AGAP1: variants seen among roughly 807,000 people sequenced by gnomAD.
AGAP1 encodes arf-GAP with GTPase, ANK repeat and PH domain-containing protein 1.
A neutral mutation model predicts 105.3 loss-of-function variants in AGAP1; 29 were observed. The ratio of observed to expected loss-of-function variants is 0.28; its 90% CI spans 0.21 to 0.38. The LOEUF is 0.38. AGAP1 is among the 10% of genes least tolerant of loss of function. The probability of loss-of-function intolerance (pLI) is 1.00; values close to 1 mark genes in which losing one functional copy is unlikely to be tolerated. For missense variants in AGAP1, 998 were observed against 1,165.1 expected, an observed-to-expected ratio of 0.86 and a Z score of 2.09; for synonymous variants, 509 against 485.9, an observed-to-expected ratio of 1.05 and a Z score of -0.63.
chr2:235,810,597 A>G (rs1443573473), intron 9 of AGAP1, among the ~76,000 whole-genome samples: 1 of 152,074 alleles, frequency 6.6e-6, no homozygotes, highest in Non-Finnish European at 1.5e-5. Context: ...TTTCACTTCC[A>G]TCTGATACCT....
At chr2:235,515,620 G>A (rs1482167933) in intron 1 of AGAP1, among the ~76,000 whole-genome samples, 3 of 152,052 alleles carry the variant, frequency 2.0e-5, no homozygotes, top group Non-Finnish European at 2.9e-5. Context: ...GTAATTTTGC[G>A]GAAAAAAGTC....
In AGAP1 at chr2:235,982,792, A is replaced by G. The variant is rs2055152355; in HGVS notation, c.1645+14169A>G. Among the ~76,000 whole-genome samples, 1 of 152,182 alleles carries G rather than the reference A, an allele frequency of 6.6e-6. No homozygotes were observed. The highest frequency in any genetic ancestry group is 6.5e-5 in the Admixed American group (1 of 15,280). ...AAATTGGTTTTCTTTCCTTCTGGAC[A>G]TTCAAAGATTAATATGTTACTGTCA... is the stretch of plus-strand genomic sequence containing the variant. On this transcript the variant is annotated intron_variant, in intron 13 of 17. Coordinates refer to ENST00000304032, the MANE Select transcript of AGAP1 (RefSeq NM_001037131.3). The surrounding 1 kb of genome is among the most constrained non-coding windows in gnomAD (Gnocchi z 4.9).
At position 235,608,174 on chromosome 2, in the gene AGAP1, G is replaced by A. The variant is rs890016298; in HGVS notation, c.164-101005G>A. On this transcript the variant is annotated intron_variant, in intron 1 of 17. Transcript: ENST00000304032. This position sits in a 1 kb window ranked among gnomAD's most constrained non-coding sequence, Gnocchi z 5.4. The stretch of plus-strand genomic sequence containing the variant: ...TGATGCCTCTGGAGCATCCCCTTGC[G>A]GAGCCTCAGCATCTCTTCTCTGCTT... Among the ~76,000 whole-genome samples, 3 of 152,126 alleles carry A rather than the reference G, an allele frequency of 2.0e-5. No homozygotes were observed. Among genetic ancestry groups the A allele is most frequent in the East Asian group, 1.9e-4 (1 of 5,186 alleles).
At chr2:235,918,447 T>C (rs7572513) in intron 11 of AGAP1, among the ~76,000 whole-genome samples, 57,926 of 152,058 alleles carry the variant, frequency 0.38, 11,418 homozygotes, top group Admixed American at 0.48. Flanking sequence ...AATCTGACAT[T>C]AGAGGACACT....
intron 11 of AGAP1, among the ~76,000 whole-genome samples, chr2:235,916,379 C>G (rs2051885993): frequency 6.6e-6 from 1 of 152,180 alleles, no homozygotes; most frequent in African/African-American, 2.4e-5. Context: ...AGGTATAGGT[C>G]CAGAGAAGGA....
At chr2:235,944,982 A>G (rs2053422995) in intron 12 of AGAP1, among the ~76,000 whole-genome samples, 1 of 152,230 alleles carries the variant, frequency 6.6e-6, no homozygotes, top group Non-Finnish European at 1.5e-5. Context: ...CCAAAAGGTT[A>G]TTGATCAAAT....
In AGAP1 at chr2:235,882,339, A is replaced by G. The variant is rs1296443050; in HGVS notation, c.1051-1006A>G. The G allele has an allele frequency of 1.8e-6, 2 of 1,120,454 alleles. No homozygotes were observed. The highest frequency in any genetic ancestry group is 2.1e-5 in the Admixed American group (1 of 48,368). 69.4% of individuals were successfully genotyped at this position (1,120,454 alleles called of 1,614,324 possible). ...CACAACTGGGGTCTTAAGGATGACGAGGGCAGGAAATCCTCCGGGCTCTTA... is the reference window on the plus strand; with the variant it reads ...CACAACTGGGGTCTTAAGGATGACGGGGGCAGGAAATCCTCCGGGCTCTTA... On this transcript the variant is annotated intron_variant, in intron 9 of 17. Coordinates refer to ENST00000304032, the MANE Select transcript of AGAP1 (RefSeq NM_001037131.3). This position sits in a 1 kb window ranked among gnomAD's most constrained non-coding sequence, Gnocchi z 4.6.
Position 236,056,267 on chromosome 2 carries a change from C to A in AGAP1, c.2114+6986C>A, listed in dbSNP as rs1216965232. ...TCATGCCGCCTGCCACACAGGAACC[C>A]CAGTTATTTGTTTGATCCTGCAAGA... On this transcript the variant is annotated intron_variant, in intron 16 of 17. Transcript: ENST00000304032. The surrounding 1 kb of genome is among the most constrained non-coding windows in gnomAD (Gnocchi z 4.6). Among the ~76,000 whole-genome samples, 4 of 152,188 alleles carry A rather than the reference C, an allele frequency of 2.6e-5. No individual in the cohort carries two copies. Among genetic ancestry groups the A allele is most frequent in the Non-Finnish European group, 4.4e-5 (3 of 68,036 alleles).
intron 6 of AGAP1, among the ~76,000 whole-genome samples, chr2:235,759,427 C>T (rs956211160): frequency 2.0e-5 from 3 of 152,184 alleles, no homozygotes; most frequent in African/African-American, 7.2e-5. Flanking sequence ...CCTTGGCCTC[C>T]CAAAGTGCTG....
rs2149615211 is a variant in AGAP1, at chr2:235,732,428, G to T, written c.311-8535G>T. 6.6e-6 allele frequency among the ~76,000 whole-genome samples: 1 copy of T among 151,978 alleles called. No homozygotes were observed. Among genetic ancestry groups the T allele is most frequent in the East Asian group, 1.9e-4 (1 of 5,134 alleles). ...GGACGTTTCCATTTTATCTCATATT[G>T]TTTCAAATTCTCATACTGGAGGTTC... On this transcript the variant is annotated intron_variant, in intron 3 of 17. Transcript: ENST00000304032. The surrounding 1 kb of genome is among the most constrained non-coding windows in gnomAD (Gnocchi z 4.8).
rs114277949 is a variant in AGAP1 at position 235,623,678 on chromosome 2, T to C, written c.164-85501T>C. On this transcript the variant is annotated intron_variant, in intron 1 of 17. Transcript: ENST00000304032. This position sits in a 1 kb window ranked among gnomAD's most constrained non-coding sequence, Gnocchi z 4.5. Reference sequence around the variant, plus strand: ...GCAGTTGCCATATATTTTTTGACTTTTGGATCTTCACTCCTCCCCTCATTT... The same window carrying C: ...GCAGTTGCCATATATTTTTTGACTTCTGGATCTTCACTCCTCCCCTCATTT... 7.5e-3 allele frequency among the ~76,000 whole-genome samples: 1,143 copies of C among 152,286 alleles called. 21 individuals are homozygous for C. Among genetic ancestry groups the C allele is most frequent in the African/African-American group, 0.026 (1,086 of 41,542 alleles).
At chr2:235,696,119 C>G (rs935779761) in intron 1 of AGAP1, among the ~76,000 whole-genome samples, 2 of 152,202 alleles carry the variant, frequency 1.3e-5, no homozygotes, top group African/African-American at 2.4e-5. Flanking sequence ...GATCTCAGCT[C>G]ACTGCAACCT....
At position 235,967,538 on chromosome 2, in the gene AGAP1, G is replaced by A. The variant is rs773406522; in HGVS notation, c.1484-924G>A. The stretch of plus-strand genomic sequence containing the variant: ...TGGCTGCCAAGCATCTTGAAAAGCC[G>A]CTGGCTCACAGTCAGTGCTCAAAAA... On this transcript the variant is annotated intron_variant, in intron 12 of 17. Coordinates refer to ENST00000304032, the MANE Select transcript of AGAP1 (RefSeq NM_001037131.3). This position sits in a 1 kb window ranked among gnomAD's most constrained non-coding sequence, Gnocchi z 4.7. Among the ~76,000 whole-genome samples, 19 of 152,204 alleles carry A rather than the reference G, an allele frequency of 1.2e-4. No individual in the cohort carries two copies. Among genetic ancestry groups the A allele is most frequent in the Non-Finnish European group, 1.8e-4 (12 of 68,046 alleles).
At chr2:235,922,524 T>C (rs2052233056) in intron 11 of AGAP1, among the ~76,000 whole-genome samples, 1 of 152,190 alleles carries the variant, frequency 6.6e-6, no homozygotes, top group Admixed American at 6.5e-5. Context: ...CAGACCAAAA[T>C]TGGAAGGCGC....
intron 12 of AGAP1, among the ~76,000 whole-genome samples, chr2:235,949,969 C>T (rs2053664669): frequency 6.6e-6 from 1 of 152,192 alleles, no homozygotes; most frequent in South Asian, 2.1e-4. Flanking sequence ...CTGTTTCTTC[C>T]TTTTCTGTAG....
At chr2:235,778,846 C>T (rs1575435288) in intron 6 of AGAP1, among the ~76,000 whole-genome samples, 1 of 152,166 alleles carries the variant, frequency 6.6e-6, no homozygotes, top group East Asian at 1.9e-4. Flanking sequence ...GATGCCAGCC[C>T]GGGCACCACA....
chr2:235,526,987 GT>G (rs1467949531), intron 1 of AGAP1, among the ~76,000 whole-genome samples: 6 of 152,256 alleles, frequency 3.9e-5, no homozygotes, highest in Middle Eastern at 6.8e-3. Context: ...TTCTAGTCTT[GT>G]TTTTCTTCTG....
chr2:236,116,047 C>T (rs904784532), intron 16 of AGAP1, among the ~76,000 whole-genome samples: 9 of 152,130 alleles, frequency 5.9e-5, no homozygotes, highest in Admixed American at 1.3e-4. Context: ...TCAGGTGGCC[C>T]GCCCAGCCTC....
In AGAP1 at chr2:235,906,128, C is replaced by T. The variant is rs2051293930; in HGVS notation, c.1156-2610C>T. Among the ~76,000 whole-genome samples, 1 of 152,254 alleles carries T rather than the reference C, an allele frequency of 6.6e-6. No homozygotes were observed. The highest frequency in any genetic ancestry group is 1.9e-4 in the East Asian group (1 of 5,134). ...AGCCAGCCTGCCCTGAGAGTCAGGC[C>T]ATCCTCCCTGAGCCACCCTGTAAAA... On this transcript the variant is annotated intron_variant, in intron 10 of 17. Coordinates refer to ENST00000304032, the MANE Select transcript of AGAP1 (RefSeq NM_001037131.3). The surrounding 1 kb of genome is among the most constrained non-coding windows in gnomAD (Gnocchi z 5.3).
Sources: gnomAD v4.1 joint callset for allele counts (sites outside exome capture counted in the v4.1 genomes callset) on GRCh38, gnomAD v4.1.1 for gene constraint, Gnocchi (gnomAD v3.1) non-coding constraint, MANE v1.5 for transcripts, NCBI Gene and HGNC (gene_info 2026-07-23, HGNC 2026-07-21) for gene names.